The following FAM193A variants were observed in gnomAD, a reference collection of about 807,000 sequenced individuals.
FAM193A encodes protein FAM193A.
FAM193A carries 22 observed loss-of-function variants against 126.5 expected under a neutral mutation model. That is an observed-to-expected ratio of 0.17 (90% CI 0.12 to 0.25). The LOEUF is 0.25. Ranked by LOEUF, FAM193A falls within the 10% of genes least tolerant of loss-of-function variation. The probability of loss-of-function intolerance (pLI) is 1.00; values close to 1 mark genes in which losing one functional copy is unlikely to be tolerated. For synonymous variants in FAM193A, 761 were observed against 646.8 expected (o/e 1.18, Z -2.68); for missense variants, 1,675 against 1,672.8 (o/e 1.00, Z -0.02).
rs748389509 is a variant in FAM193A at position 2,700,174 on chromosome 4, A to C, written c.4002A>C (p.Gly1334=). The part of the protein sequence containing the change: ...FFDIMQHHKE[G]NGKQKLRQTS... ...ACATCATGCAGCACCATAAAGAAGGAAATGGCAAGCAGAAGCTGAGGCAGA... is the reference window on the plus strand; with the variant it reads ...ACATCATGCAGCACCATAAAGAAGGCAATGGCAAGCAGAAGCTGAGGCAGA... Residue 1334 remains glycine (G), a synonymous_variant, in exon 19 of 21, where the codon GGA becomes GGC. Coordinates refer to ENST00000637812, the MANE Select transcript of FAM193A (RefSeq NM_001366318.2). 2.5e-6 allele frequency: 4 copies of C among 1,613,546 alleles called. No homozygotes were observed. The African/African-American group carries it at 4.0e-5, about 16-fold the overall frequency.
chr4:2,609,957 C>G (rs143512367), intron 2 of FAM193A, among the ~76,000 whole-genome samples: 2 of 149,112 alleles, frequency 1.3e-5, no homozygotes, highest in African/African-American at 5.0e-5. Context: ...GCTGGCTGGG[C>G]GCAGTGGCTC....
At chr4:2,684,120 G>A (rs1236135479) in intron 13 of FAM193A, among the ~76,000 whole-genome samples, 1 of 152,056 alleles carries the variant, frequency 6.6e-6, no homozygotes, top group Non-Finnish European at 1.5e-5. Context: ...TATGATAATT[G>A]CCATCCATGT....
intron 1 of FAM193A, among the ~76,000 whole-genome samples, chr4:2,545,707 A>G (rs1355246554): frequency 6.6e-6 from 1 of 151,982 alleles, no homozygotes; most frequent in Non-Finnish European, 1.5e-5. Flanking sequence ...TTTGAAACAG[A>G]CTCTGACTCT....
At chr4:2,700,661 T>C in intron 19 of FAM193A, 117 bp downstream of exon 19, 7 of 1,310,022 alleles carry the variant, frequency 5.3e-6, no homozygotes, top group Non-Finnish European at 7.3e-6. Context: ...CTCCCTCCTG[T>C]AGAAAAGAGC....
chr4:2,584,930 AG>A (rs1309929281), intron 1 of FAM193A, among the ~76,000 whole-genome samples: 1 of 152,064 alleles, frequency 6.6e-6, no homozygotes, highest in African/African-American at 2.4e-5. Flanking sequence ...TCTCAAAAAA[AG>A]GAAAAAAAAA....
At chr4:2,616,018 C>T (rs1048409618) in intron 2 of FAM193A, among the ~76,000 whole-genome samples, 1 of 152,018 alleles carries the variant, frequency 6.6e-6, no homozygotes, top group African/African-American at 2.4e-5. Context: ...CCAGGCTGGT[C>T]TCGAACTCCT....
upstream of FAM193A, among the ~76,000 whole-genome samples, chr4:2,536,156 C>T (rs1339943281): frequency 6.6e-6 from 1 of 151,442 alleles, no homozygotes; most frequent in African/African-American, 2.4e-5. Context: ...CGGACAGGGG[C>T]GCGGGCGAGG....
intron 13 of FAM193A, among the ~76,000 whole-genome samples, chr4:2,674,892 T>C (rs1714225726): frequency 2.0e-5 from 3 of 152,116 alleles, no homozygotes; most frequent in Admixed American, 1.3e-4. Context: ...ATTTCTGTTT[T>C]CAAGTGTCTC....
At position 2,617,356 on chromosome 4, in the gene FAM193A, C is replaced by T. The variant is rs1286274237; in HGVS notation, c.502-7906C>T. 4.4e-5 allele frequency among the ~76,000 whole-genome samples: 6 copies of T among 135,778 alleles called. No homozygotes were observed. In the Admixed American group the frequency reaches 4.5e-4, roughly 10 times the overall value. The allele number at this position is 135,778 out of a possible 152,430, so 89.1% of individuals were successfully genotyped here. A position where few individuals can be genotyped will look rare whatever the true frequency, so the allele number is the denominator to read the frequency against. On this transcript the variant is annotated intron_variant, in intron 2 of 20. Coordinates refer to ENST00000637812, the MANE Select transcript of FAM193A (RefSeq NM_001366318.2). ...TCTCAGCTCACTGCAACCTCTGCCT[C>T]CCGAGTTCAAGCAATTCTCCTGCCT...
At chr4:2,626,181 G>T (rs1315749236) in intron 3 of FAM193A, among the ~76,000 whole-genome samples, 1 of 152,164 alleles carries the variant, frequency 6.6e-6, no homozygotes, top group Non-Finnish European at 1.5e-5. Context: ...GTGGACATTA[G>T]CCACAGATGC....
chr4:2,596,455 T>C (rs918531610), intron 2 of FAM193A, 126 bp downstream of exon 2: 16 of 619,548 alleles, frequency 2.6e-5, no homozygotes, highest in Non-Finnish European at 4.4e-5. Context: ...CACCACCTTC[T>C]AGTCTGTGTC....
At position 2,716,875 on chromosome 4, in the gene FAM193A, C is replaced by T. The variant is rs114287284; in HGVS notation, c.4454+771C>T. Among the ~76,000 whole-genome samples the T allele has an allele frequency of 4.5e-3, 687 of 152,200 alleles. 1 individual carries two copies. The highest frequency in any genetic ancestry group is 0.015 in the African/African-American group (640 of 41,532). Reference sequence around the variant, plus strand: ...TATTTCAGTAGAGACAGGGTTTCACCGTGGTTACCAGACTGGTCTCAAACT... The same window carrying T: ...TATTTCAGTAGAGACAGGGTTTCACTGTGGTTACCAGACTGGTCTCAAACT... On this transcript the variant is annotated intron_variant, in intron 20 of 20. Coordinates refer to ENST00000637812, the MANE Select transcript of FAM193A (RefSeq NM_001366318.2).
chr4:2,659,433 G>A (rs907045604), intron 8 of FAM193A, 125 bp from the exon 9 acceptor site: 1 of 703,034 alleles, frequency 1.4e-6, no homozygotes, highest in Admixed American at 2.2e-5. Flanking sequence ...TGTATTCCTG[G>A]TCCTGTCCCG....
intron 13 of FAM193A, among the ~76,000 whole-genome samples, chr4:2,686,703 G>A (rs1439783639): frequency 1.3e-5 from 2 of 152,122 alleles, no homozygotes. Context: ...GAGTCCAGGA[G>A]GCACTTAACG....
chr4:2,693,069 G>C (rs998124668), intron 15 of FAM193A, among the ~76,000 whole-genome samples: 11 of 151,556 alleles, frequency 7.3e-5, no homozygotes, highest in African/African-American at 2.2e-4. Flanking sequence ...TTTTCTTTGA[G>C]ACGGAGTCTT....
intron 2 of FAM193A, among the ~76,000 whole-genome samples, chr4:2,598,135 C>T (rs913625139): frequency 6.6e-6 from 1 of 152,084 alleles, no homozygotes; most frequent in Non-Finnish European, 1.5e-5. Flanking sequence ...GATCGTGATC[C>T]GCCCGCCTCT....
chr4:2,544,514 A>G (rs185364642), intron 1 of FAM193A, among the ~76,000 whole-genome samples: 3 of 152,280 alleles, frequency 2.0e-5, no homozygotes, highest in Admixed American at 2.0e-4. Flanking sequence ...CAGCCTGGCC[A>G]ACATGGTAAA....
At chr4:2,647,691 C>T (rs1745288922) in intron 7 of FAM193A, among the ~76,000 whole-genome samples, 1 of 152,236 alleles carries the variant, frequency 6.6e-6, no homozygotes, top group East Asian at 1.9e-4. Context: ...CCCCGCTTCC[C>T]ACCCCTGGCC....
rs1235360648 is a variant in FAM193A at position 2,728,895 on chromosome 4, ACTTTTT to A, written c.4455-2879_4455-2874del. 1.5e-4 allele frequency among the ~76,000 whole-genome samples: 16 copies of A among 105,724 alleles called. No individual in the cohort carries two copies. The East Asian group carries it at 2.4e-3, about 16-fold the overall frequency. 69.4% of individuals were successfully genotyped at this position (105,724 alleles called of 152,430 possible). On this transcript the variant is annotated intron_variant, in intron 20 of 20. Transcript: ENST00000637812. ...TAAGCAAATATGTTCCACCTCCAAA[ACTTTTT>A]TTTTTTTTTTTTTTTTTTTTTGGTG... is the stretch of plus-strand genomic sequence containing the variant.
Sources: gnomAD v4.1 joint callset for allele counts (sites outside exome capture counted in the v4.1 genomes callset) on GRCh38, gnomAD v4.1.1 for gene constraint, MANE v1.5 for transcripts, NCBI Gene and HGNC (gene_info 2026-07-23, HGNC 2026-07-21) for gene names.